The following TMTC2 variants were observed in gnomAD, a reference collection of about 807,000 sequenced individuals.
The protein encoded by TMTC2 is protein O-mannosyl-transferase TMTC2.
In TMTC2, 43 loss-of-function variants were observed where a neutral mutation model predicts 82.4. The observed-to-expected ratio is 0.52, with a 90% CI of 0.41 to 0.67. TMTC2 has a LOEUF of 0.67. Among genes scored for constraint, TMTC2 ranks in the 30% least tolerant of loss-of-function variants. The pLI is 0.00. For synonymous variants in TMTC2, 408 were observed against 381.9 expected, an observed-to-expected ratio of 1.07 and a Z score of -0.80; for missense variants, 919 against 1,012.4, an observed-to-expected ratio of 0.91 and a Z score of 1.25.
chr12:82,730,443 G>A (rs2136939346), intron 1 of TMTC2, among the ~76,000 whole-genome samples: 1 of 151,648 alleles, frequency 6.6e-6, no homozygotes, highest in African/African-American at 2.4e-5. Context: ...TTGAGTTCAA[G>A]CTTTGCTAGT....
chr12:83,040,483 A>G (rs966569274), intron 9 of TMTC2, among the ~76,000 whole-genome samples: 5 of 152,150 alleles, frequency 3.3e-5, no homozygotes, highest in Non-Finnish European at 7.3e-5. Flanking sequence ...CTCACCCTAC[A>G]TGGTGTTATT....
intron 1 of TMTC2, among the ~76,000 whole-genome samples, chr12:82,688,029 G>T (rs1872411255): frequency 6.6e-6 from 1 of 152,118 alleles, no homozygotes; most frequent in African/African-American, 2.4e-5. Flanking sequence ...GTGATTTTAC[G>T]TCTGGTTGGG....
chr12:82,857,504 T>C lies in TMTC2; in HGVS notation c.578T>C (p.Leu193Pro), dbSNP rs1434711009. The change falls in exon 2 of 12, where the codon CTC (leucine) becomes CCC (proline). Residue 193 changes from leucine to proline, a missense_variant. Leu to Pro is a moderately conservative substitution (Grantham distance 98). Coordinates refer to ENST00000321196, the MANE Select transcript of TMTC2 (RefSeq NM_152588.3). ...MLWKEQGVTV[L>P]AVSAVYDVFV... is the part of the protein sequence containing the mutation. Reference sequence around the variant, plus strand: ...TGGAAGGAACAAGGAGTGACTGTTCTCGCAGTTTCAGCAGTTTATGATGTC... The same window carrying C: ...TGGAAGGAACAAGGAGTGACTGTTCCCGCAGTTTCAGCAGTTTATGATGTC... The C allele has an allele frequency of 6.2e-7, 1 of 1,614,216 alleles. No individual in the cohort carries two copies. Among genetic ancestry groups the C allele is most frequent in the Non-Finnish European group, 8.5e-7 (1 of 1,180,034 alleles).
At chr12:82,911,680 G>T (rs1457704050) in intron 3 of TMTC2, among the ~76,000 whole-genome samples, 1 of 151,960 alleles carries the variant, frequency 6.6e-6, no homozygotes, top group Non-Finnish European at 1.5e-5. Flanking sequence ...TTGGCTCACT[G>T]CAACCTCTGC....
At chr12:82,982,376 A>T (rs1328524310) in intron 7 of TMTC2, among the ~76,000 whole-genome samples, 2 of 151,148 alleles carry the variant, frequency 1.3e-5, no homozygotes, top group African/African-American at 2.4e-5. Context: ...TTGTTCTTAT[A>T]GTGTTTGTTG....
intron 11 of TMTC2, among the ~76,000 whole-genome samples, chr12:83,063,466 A>T (rs1882813168): frequency 6.6e-6 from 1 of 151,890 alleles, no homozygotes; most frequent in Non-Finnish European, 1.5e-5. Flanking sequence ...GCTAAAATTT[A>T]TTGAGCACTT....
chr12:83,074,749 GGAGGGCGT>G (rs1178989323), intron 11 of TMTC2, among the ~76,000 whole-genome samples: 2 of 152,078 alleles, frequency 1.3e-5, no homozygotes, highest in Non-Finnish European at 2.9e-5. Context: ...GTTTCCAGGT[GGAGGGCGT>G]GAGGTCTTGA....
At chr12:82,899,522 G>A (rs1166447314) in intron 3 of TMTC2, among the ~76,000 whole-genome samples, 1 of 140,318 alleles carries the variant, frequency 7.1e-6, no homozygotes, top group Non-Finnish European at 1.5e-5. Flanking sequence ...TATATATATA[G>A]GAATATATAT....
intron 9 of TMTC2, among the ~76,000 whole-genome samples, chr12:83,047,531 C>T (rs1882187546): frequency 1.3e-5 from 2 of 152,072 alleles, no homozygotes; most frequent in Non-Finnish European, 2.9e-5. Context: ...TATTCTGTGC[C>T]TTTATCACAT....
intron 1 of TMTC2, among the ~76,000 whole-genome samples, chr12:82,811,093 G>A (rs187329291): frequency 8.6e-5 from 13 of 151,990 alleles, no homozygotes; most frequent in East Asian, 3.9e-4. Context: ...TTAGCCAGGC[G>A]TGGTGGCCTG....
Position 83,004,722 on chromosome 12 carries a change from A to ATTTTTTTTTTTT in TMTC2, c.2070+18710_2070+18721dup, listed in dbSNP as rs528076999. 1.2e-3 allele frequency among the ~76,000 whole-genome samples: 42 copies of ATTTTTTTTTTTT among 36,032 alleles called. 14 individuals carry two copies. Among genetic ancestry groups the ATTTTTTTTTTTT allele is most frequent in the East Asian group, 4.0e-3 (3 of 744 alleles). The allele number at this position is 36,032 out of a possible 152,430, so 23.6% of individuals were successfully genotyped here. On this transcript the variant is annotated intron_variant, in intron 8 of 11. Coordinates refer to ENST00000321196, the MANE Select transcript of TMTC2 (RefSeq NM_152588.3). ...TTCACAGGCAGTGTATACTGGCCGA[A>ATTTTTTTTTTTT]TTTTTTTTTTTTTTTTTTTTTTTTT...
At chr12:82,769,580 G>A (rs1877174260) in intron 1 of TMTC2, among the ~76,000 whole-genome samples, 1 of 152,162 alleles carries the variant, frequency 6.6e-6, no homozygotes, top group Non-Finnish European at 1.5e-5. Flanking sequence ...AATGTTTCTG[G>A]AGCATAAAAG....
Position 82,857,189 on chromosome 12 carries a change from A to G in TMTC2, c.263A>G (p.His88Arg), listed in dbSNP as rs760852702. 3 of 1,614,008 alleles carry G rather than the reference A, an allele frequency of 1.9e-6. No individual in the cohort carries two copies. Among genetic ancestry groups the G allele is most frequent in the Non-Finnish European group, 2.5e-6 (3 of 1,180,046 alleles). Residue 88 changes from histidine to arginine, a missense_variant, in exon 2 of 12, where the codon CAT (histidine) becomes CGT (arginine). Physicochemically the swap from His to Arg is conservative, Grantham distance 29. Transcript: ENST00000321196. ...GGAGGGTTGAATCCCTGGAGCTACCATCTTGTCAATGTCCTGTTGCATGCA... is the reference window on the plus strand; with the variant it reads ...GGAGGGTTGAATCCCTGGAGCTACCGTCTTGTCAATGTCCTGTTGCATGCA... ...AIGGLNPWSY[H>R]LVNVLLHAAV... is the part of the protein sequence containing the mutation.
intron 1 of TMTC2, among the ~76,000 whole-genome samples, chr12:82,806,861 A>G (rs1356694051): frequency 6.6e-6 from 1 of 152,024 alleles, no homozygotes; most frequent in Non-Finnish European, 1.5e-5. Flanking sequence ...AATCTGTATA[A>G]GTGGATCCAC....
intron 11 of TMTC2, among the ~76,000 whole-genome samples, chr12:83,103,750 A>G (rs537770527): frequency 6.6e-6 from 1 of 152,326 alleles, no homozygotes; most frequent in Non-Finnish European, 1.5e-5. Context: ...TGCCTTCTCA[A>G]TGGTCTCCCA....
In TMTC2 at chr12:83,123,421, G is replaced by A. The variant is rs114246826; in HGVS notation, c.2332-8789G>A. ...GATTTTCTGTGTTTTCCCTTGCTATGTCTCCAATTTTGTAAATCTTTTTTG... is the reference window on the plus strand; with the variant it reads ...GATTTTCTGTGTTTTCCCTTGCTATATCTCCAATTTTGTAAATCTTTTTTG... On this transcript the variant is annotated intron_variant, in intron 11 of 11. Transcript: ENST00000321196. Among the ~76,000 whole-genome samples the A allele has an allele frequency of 6.5e-3, 997 of 152,238 alleles. 11 individuals are homozygous for A. The highest frequency in any genetic ancestry group is 0.023 in the African/African-American group (960 of 41,520).
chr12:82,797,935 ATT>A (rs72046660), intron 1 of TMTC2, among the ~76,000 whole-genome samples: 35,873 of 120,252 alleles, frequency 0.3, 3,754 homozygotes, highest in Middle Eastern at 0.45. Context: ...AACCACCCTA[ATT>A]TTTTTTTTTT....
chr12:82,962,434 A>G (rs560557587), intron 4 of TMTC2, among the ~76,000 whole-genome samples: 4 of 152,182 alleles, frequency 2.6e-5, no homozygotes, highest in South Asian at 2.1e-4. Context: ...TGGGCAGAGT[A>G]AAGAGCCTTA....
At chr12:83,115,782 CTGT>C (rs374555944) in intron 11 of TMTC2, among the ~76,000 whole-genome samples, 48 of 151,440 alleles carry the variant, frequency 3.2e-4, no homozygotes, top group Admixed American at 1.4e-3. Flanking sequence ...ATTGTAGTTT[CTGT>C]TGTTGTTGTT....
Sources: gnomAD v4.1 joint callset for allele counts (sites outside exome capture counted in the v4.1 genomes callset) on GRCh38, gnomAD v4.1.1 for gene constraint, MANE v1.5 for transcripts, NCBI Gene and HGNC (gene_info 2026-07-23, HGNC 2026-07-21) for gene names.